Variants in ADAMTSL1 observed in about 807,000 individuals in gnomAD.
ADAMTSL1 encodes the protein ADAMTS like 1.
Under a neutral mutation model 201.8 loss-of-function variants are expected in ADAMTSL1, and 126 were observed. The observed-to-expected ratio is 0.62, with a 90% CI of 0.54 to 0.72. ADAMTSL1 has a LOEUF of 0.72. Ranked by LOEUF, ADAMTSL1 falls within the 30% of genes least tolerant of loss-of-function variation. The pLI is 0.00. For synonymous variants in ADAMTSL1, 1,121 were observed against 903.4 expected, an observed-to-expected ratio of 1.24 and a Z score of -4.32; for missense variants, 2,679 against 2,277.8, an observed-to-expected ratio of 1.18 and a Z score of -3.59.
At chr9:18,091,068 C>CGT (rs200331047) in intron 1 of ADAMTSL1, among the ~76,000 whole-genome samples, 4,389 of 147,616 alleles carry the variant, frequency 0.03, 126 homozygotes, top group East Asian at 0.1. Context: ...TGTGTATATG[C>CGT]ATGTGTGTGT....
intron 1 of ADAMTSL1, among the ~76,000 whole-genome samples, chr9:18,022,323 A>G (rs1388141229): frequency 6.6e-6 from 1 of 152,156 alleles, no homozygotes; most frequent in Non-Finnish European, 1.5e-5. Flanking sequence ...TGGCCCCAGC[A>G]GGAGGCAAGC....
chr9:18,160,140 C>T (rs1466546680), intron 1 of ADAMTSL1, among the ~76,000 whole-genome samples: 2 of 151,938 alleles, frequency 1.3e-5, no homozygotes, highest in Non-Finnish European at 2.9e-5. Flanking sequence ...TTTCTGTATT[C>T]CCGGGTTGGT....
intron 1 of ADAMTSL1, among the ~76,000 whole-genome samples, chr9:18,135,859 T>G (rs1391783990): frequency 6.6e-6 from 1 of 152,172 alleles, no homozygotes; most frequent in African/African-American, 2.4e-5. Context: ...ACTGATGCAG[T>G]GCCTTCCATG....
At chr9:17,942,989 A>G (rs55649618) in intron 1 of ADAMTSL1, among the ~76,000 whole-genome samples, 10,514 of 152,196 alleles carry the variant, frequency 0.069, 391 homozygotes, top group Middle Eastern at 0.12. Context: ...TGACAGGATC[A>G]TGGCTTACTG....
At chr9:18,744,219 A>G (rs1179992900) in intron 15 of ADAMTSL1, among the ~76,000 whole-genome samples, 1 of 152,248 alleles carries the variant, frequency 6.6e-6, no homozygotes, top group African/African-American at 2.4e-5. Context: ...GTTTAGCCAA[A>G]TAGTTTAGCA....
At chr9:18,456,535 G>A (rs546459826) in intron 2 of ADAMTSL1, among the ~76,000 whole-genome samples, 15 of 152,244 alleles carry the variant, frequency 9.9e-5, no homozygotes, top group African/African-American at 3.6e-4. Context: ...CCTGAACAAA[G>A]GTAAGTAGAG....
At chr9:18,435,066 A>C (rs1006108753) in intron 2 of ADAMTSL1, among the ~76,000 whole-genome samples, 2 of 152,200 alleles carry the variant, frequency 1.3e-5, no homozygotes, top group Non-Finnish European at 2.9e-5. Context: ...TCAAAGAGGG[A>C]GTTGAGATGT....
At chr9:18,223,677 C>T (rs1830342054) in intron 2 of ADAMTSL1, among the ~76,000 whole-genome samples, 2 of 152,056 alleles carry the variant, frequency 1.3e-5, no homozygotes, top group East Asian at 3.9e-4. Flanking sequence ...AATCCTTGAA[C>T]TATATTAAAT....
chr9:18,281,032 C>T (rs962199814), intron 2 of ADAMTSL1, among the ~76,000 whole-genome samples: 2 of 152,018 alleles, frequency 1.3e-5, no homozygotes, highest in African/African-American at 2.4e-5. Context: ...TGCACTTCTA[C>T]GCCTGACTAA....
At chr9:18,241,425 A>G (rs959911910) in intron 2 of ADAMTSL1, among the ~76,000 whole-genome samples, 29 of 152,054 alleles carry the variant, frequency 1.9e-4, no homozygotes, top group African/African-American at 6.8e-4. Context: ...TGCTCCATCA[A>G]TGATATCTTG....
chr9:18,514,006 G>GT (rs1367046495), intron 2 of ADAMTSL1, among the ~76,000 whole-genome samples: 16 of 152,108 alleles, frequency 1.1e-4, no homozygotes, highest in Non-Finnish European at 2.1e-4. Context: ...TTTTAGAACT[G>GT]TTTTTTCCAT....
chr9:18,839,998 T>C (rs970227278), intron 23 of ADAMTSL1, among the ~76,000 whole-genome samples: 1 of 150,618 alleles, frequency 6.6e-6, no homozygotes, highest in Non-Finnish European at 1.5e-5. Context: ...CTGTTCAATC[T>C]GATGGTAGTT....
chr9:18,308,829 C>G (rs929047723), intron 2 of ADAMTSL1, among the ~76,000 whole-genome samples: 21 of 152,288 alleles, frequency 1.4e-4, no homozygotes, highest in Non-Finnish European at 2.6e-4. Flanking sequence ...CTCCCTAACT[C>G]ATTTTATGAG....
chr9:18,005,396 T>C (rs1291574441), intron 1 of ADAMTSL1, among the ~76,000 whole-genome samples: 1 of 152,036 alleles, frequency 6.6e-6, no homozygotes, highest in African/African-American at 2.4e-5. Flanking sequence ...CATTATCATA[T>C]TTAATTTTCC....
At chr9:18,509,304 G>A (rs193194400) in intron 2 of ADAMTSL1, among the ~76,000 whole-genome samples, 2 of 141,422 alleles carry the variant, frequency 1.4e-5, no homozygotes, top group African/African-American at 5.2e-5. Flanking sequence ...AAGTTTTCAA[G>A]TTTTTTCCCT....
intron 1 of ADAMTSL1, among the ~76,000 whole-genome samples, chr9:18,062,284 T>C (rs1469405567): frequency 6.6e-6 from 1 of 152,232 alleles, no homozygotes; most frequent in Non-Finnish European, 1.5e-5. Flanking sequence ...TTTATGCAGA[T>C]CTTTTCAGGT....
intron 21 of ADAMTSL1, chr9:18,826,062 A>G: frequency 1.6e-6 from 1 of 616,596 alleles, no homozygotes; most frequent in Admixed American, 2.9e-5. Context: ...TGAGATGTTT[A>G]TCTTGTATCA....
intron 3 of ADAMTSL1, among the ~76,000 whole-genome samples, chr9:18,539,998 T>C (rs1564029685): frequency 6.6e-6 from 1 of 152,098 alleles, no homozygotes; most frequent in Non-Finnish European, 1.5e-5. Flanking sequence ...CTGTAGTCAT[T>C]CAACACATAG....
At chr9:18,048,931 G>T (rs1425142035) in intron 1 of ADAMTSL1, among the ~76,000 whole-genome samples, 1 of 152,152 alleles carries the variant, frequency 6.6e-6, no homozygotes, top group East Asian at 1.9e-4. Flanking sequence ...CAAGATCAAG[G>T]TATCAGCAGG....
Sources: allele counts gnomAD v4.1 joint callset (sites outside exome capture counted in the v4.1 genomes callset), GRCh38; gene constraint gnomAD v4.1.1; transcripts MANE v1.5; gene names NCBI Gene and HGNC (gene_info 2026-07-23, HGNC 2026-07-21).